INPP5D: variants seen among roughly 807,000 people sequenced by gnomAD.
INPP5D encodes the protein inositol polyphosphate-5-phosphatase D.
A neutral mutation model predicts 122.9 loss-of-function variants in INPP5D; 33 were observed. That is an observed-to-expected ratio of 0.27 (90% CI 0.20 to 0.36). The LOEUF (loss-of-function observed/expected upper bound fraction) is 0.36. Ranked by LOEUF, INPP5D falls within the 10% of genes least tolerant of loss-of-function variation. The probability of loss-of-function intolerance (pLI) is 1.00; values close to 1 mark genes in which losing one functional copy is unlikely to be tolerated. For synonymous variants in INPP5D, 584 were observed against 576.2 expected, an observed-to-expected ratio of 1.01 and a Z score of -0.19; for missense variants, 1,053 against 1,412.7, an observed-to-expected ratio of 0.75 and a Z score of 4.08.
At chr2:233,165,403 A>C (rs1694304985) in intron 13 of INPP5D, among the ~76,000 whole-genome samples, 1 of 147,876 alleles carries the variant, frequency 6.8e-6, no homozygotes, top group South Asian at 2.1e-4. Flanking sequence ...TGTTTATGTG[A>C]GTCTACATAT....
At chr2:233,165,722 A>G (rs1287915030) in intron 13 of INPP5D, among the ~76,000 whole-genome samples, 3 of 151,980 alleles carry the variant, frequency 2.0e-5, no homozygotes, top group Non-Finnish European at 4.4e-5. Context: ...ACCACCCCAT[A>G]TCTATGAGTG....
At position 233,195,515 on chromosome 2, in the gene INPP5D, G is replaced by A. The variant is rs1339576222; in HGVS notation, c.2693+20G>A. ...TAGCAGGTAAAGTGGGCGTGGGGTGGGTGTTGGGGGGGGTGGATATCAGGG... is the reference window on the plus strand; with the variant it reads ...TAGCAGGTAAAGTGGGCGTGGGGTGAGTGTTGGGGGGGGTGGATATCAGGG... On this transcript the variant is annotated intron_variant, in intron 24 of 26. Coordinates refer to ENST00000445964, the MANE Select transcript of INPP5D (RefSeq NM_001017915.3). 6.8e-6 allele frequency: 11 copies of A among 1,612,976 alleles called. No homozygotes were observed. The highest frequency in any genetic ancestry group is 9.3e-6 in the Non-Finnish European group (11 of 1,179,636).
chr2:233,109,557 G>A (rs1012153807), intron 2 of INPP5D, among the ~76,000 whole-genome samples: 2 of 150,136 alleles, frequency 1.3e-5, no homozygotes, highest in African/African-American at 5.0e-5. Context: ...TTTTAGGCAA[G>A]ATGGTTTTTT....
intron 2 of INPP5D, among the ~76,000 whole-genome samples, chr2:233,116,979 C>G (rs1422336164): frequency 6.6e-6 from 1 of 152,176 alleles, no homozygotes; most frequent in Non-Finnish European, 1.5e-5. Flanking sequence ...GTGTTGTGCT[C>G]TAGTTACCTA....
intron 2 of INPP5D, among the ~76,000 whole-genome samples, chr2:233,121,333 T>A (rs1454873401): frequency 1.3e-5 from 2 of 151,644 alleles, no homozygotes; most frequent in South Asian, 2.1e-4. Flanking sequence ...GGTTTGAGTT[T>A]CATCATGTTG....
At chr2:233,166,185 T>C (rs907270001) in intron 13 of INPP5D, among the ~76,000 whole-genome samples, 1 of 152,096 alleles carries the variant, frequency 6.6e-6, no homozygotes, top group Non-Finnish European at 1.5e-5. Context: ...CGGGTGTGGA[T>C]TCCATCGCTC....
intron 5 of INPP5D, among the ~76,000 whole-genome samples, chr2:233,131,378 A>G (rs569069248): frequency 2.8e-4 from 43 of 152,316 alleles, no homozygotes; most frequent in Non-Finnish European, 4.9e-4. Flanking sequence ...ACAAAGCCAC[A>G]GGGAGCCAAA....
intron 2 of INPP5D, among the ~76,000 whole-genome samples, chr2:233,113,996 C>T (rs1027932407): frequency 4.6e-5 from 7 of 151,358 alleles, no homozygotes; most frequent in Admixed American, 2.0e-4. Context: ...CTGCAAGCTC[C>T]GCCTCCCGGG....
At chr2:233,120,058 C>T (rs1302238944) in intron 2 of INPP5D, among the ~76,000 whole-genome samples, 2 of 152,226 alleles carry the variant, frequency 1.3e-5, no homozygotes, top group South Asian at 2.1e-4. Flanking sequence ...TTCTACTTGC[C>T]TGTGGGTCTT....
At chr2:233,084,247 G>T (rs577996981) in intron 2 of INPP5D, among the ~76,000 whole-genome samples, 1 of 152,264 alleles carries the variant, frequency 6.6e-6, no homozygotes, top group South Asian at 2.1e-4. Context: ...TAGAGATAGG[G>T]TTTCACTATG....
chr2:233,110,932 A>AAC (rs796509281), intron 2 of INPP5D, among the ~76,000 whole-genome samples: 7,526 of 136,308 alleles, frequency 0.055, 308 homozygotes, highest in African/African-American at 0.15. Context: ...CTCTTAAAAA[A>AAC]AAAACAACAA....
chr2:233,179,162 C>T (rs1694722637), intron 18 of INPP5D, among the ~76,000 whole-genome samples: 2 of 141,410 alleles, frequency 1.4e-5, no homozygotes, highest in Admixed American at 1.4e-4. Flanking sequence ...GCCCTCATAG[C>T]CACGGCCAGG....
In INPP5D at chr2:233,193,729, G is replaced by C. The variant is rs543962394; in HGVS notation, c.2447-83G>C. 11 of 1,606,470 alleles carry C rather than the reference G, an allele frequency of 6.8e-6. No homozygotes were observed. In the African/African-American group the frequency reaches 1.2e-4, roughly 18 times the overall value. The stretch of plus-strand genomic sequence containing the variant: ...CCTTGCCTGGGCTATAGTTTCAAAG[G>C]ACCAACTCTCCGGCCAAGAGTTTGG... On this transcript the variant is annotated intron_variant, in intron 22 of 26. Transcript: ENST00000445964.
rs968221205 is a variant in INPP5D at position 233,128,018 on chromosome 2, C to A, written c.524+2099C>A. ...AAGATACATATTTTAATACAGGGGTCCCCAACCTGTGGACTATTAGGAACT... is the reference window on the plus strand; with the variant it reads ...AAGATACATATTTTAATACAGGGGTACCCAACCTGTGGACTATTAGGAACT... On this transcript the variant is annotated intron_variant, in intron 4 of 26. Coordinates refer to ENST00000445964, the MANE Select transcript of INPP5D (RefSeq NM_001017915.3). This position sits in a 1 kb window ranked among gnomAD's most constrained non-coding sequence, Gnocchi z 4.5. Among the ~76,000 whole-genome samples the A allele has an allele frequency of 3.3e-4, 50 of 152,298 alleles. No individual in the cohort carries two copies. Among genetic ancestry groups the A allele is most frequent in the African/African-American group, 1.1e-3 (46 of 41,562 alleles).
At position 233,094,692 on chromosome 2, in the gene INPP5D, G is replaced by T. The variant is rs891874129; in HGVS notation, c.198+15294G>T. Among the ~76,000 whole-genome samples, 4 of 152,038 alleles carry T rather than the reference G, an allele frequency of 2.6e-5. No individual in the cohort carries two copies. The South Asian group carries it at 8.3e-4, about 32-fold the overall frequency. On this transcript the variant is annotated intron_variant, in intron 2 of 26. Coordinates refer to ENST00000445964, the MANE Select transcript of INPP5D (RefSeq NM_001017915.3). ...CACCTGGAAGCTTGTTAGAAATGTGGACAATCAGGTCCCAGACCCGGGAAT... is the reference window on the plus strand; with the variant it reads ...CACCTGGAAGCTTGTTAGAAATGTGTACAATCAGGTCCCAGACCCGGGAAT...
intron 2 of INPP5D, among the ~76,000 whole-genome samples, chr2:233,097,504 C>CT (rs111770666): frequency 2.3e-4 from 35 of 152,158 alleles, no homozygotes; most frequent in African/African-American, 7.7e-4. Context: ...TCTTTTATAT[C>CT]TTTTTTCTGC....
At chr2:233,185,715 A>AT in intron 20 of INPP5D, 128 bp from the exon 21 acceptor site, 4 of 42,312 alleles carry the variant, frequency 9.5e-5, no homozygotes, top group Non-Finnish European at 1.7e-4. Flanking sequence ...GCCCCGAGAT[A>AT]AAAAAAAAAA....
intron 2 of INPP5D, among the ~76,000 whole-genome samples, chr2:233,095,806 C>A (rs1692125118): frequency 1.3e-5 from 2 of 152,142 alleles, no homozygotes; most frequent in African/African-American, 4.8e-5. Flanking sequence ...ATCCCCTTCT[C>A]CTATTGGTAA....
At chr2:233,130,385 A>C in intron 4 of INPP5D, 123 bp from the exon 5 acceptor site, 1 of 1,057,930 alleles carries the variant, frequency 9.5e-7, no homozygotes, top group South Asian at 1.7e-5. Context: ...CATTCTTCTG[A>C]AGGACGGTGT....
Sources: gnomAD v4.1 joint callset for allele counts (sites outside exome capture counted in the v4.1 genomes callset) on GRCh38, gnomAD v4.1.1 for gene constraint, Gnocchi (gnomAD v3.1) non-coding constraint, MANE v1.5 for transcripts, NCBI Gene and HGNC (gene_info 2026-07-23, HGNC 2026-07-21) for gene names.